KIF12: variants seen among roughly 807,000 people sequenced by gnomAD.
KIF12 encodes the protein kinesin family member 12, also known as kinesin-like protein KIF12.
Under a neutral mutation model 87.9 loss-of-function variants are expected in KIF12, and 80 were observed. The observed-to-expected ratio is 0.91, with a 90% confidence interval of 0.76 to 1.10. KIF12 has a LOEUF of 1.10. KIF12 is among the 50% of genes least tolerant of loss of function. The probability of loss-of-function intolerance (pLI) is 0.00; values close to 1 mark genes in which losing one functional copy is unlikely to be tolerated. For missense variants in KIF12, 819 were observed against 865.3 expected, an observed-to-expected ratio of 0.95 and a Z score of 0.67; for synonymous variants, 353 against 348.5, an observed-to-expected ratio of 1.01 and a Z score of -0.14.
rs776742820 is a variant in KIF12 at position 114,094,221 on chromosome 9, C to T, written c.1273G>A (p.Gly425Arg). Reference sequence around the variant, plus strand: ...TCTAGCATGAACTCCTGTAGCATCCCGTACAGGTTCCGCTGGGCCCAGGCC... The same window carrying T: ...TCTAGCATGAACTCCTGTAGCATCCTGTACAGGTTCCGCTGGGCCCAGGCC... ...RVAWAQRNLY[G>R]MLQEFMLENE... The change falls in exon 13 of 19, where the codon GGG (glycine) becomes AGG (arginine). Residue 425 changes from glycine (G) to arginine (R), a missense_variant. Physicochemically the swap from Gly to Arg is moderately radical, Grantham distance 125. Coordinates refer to ENST00000640217, the MANE Select transcript of KIF12 (RefSeq NM_001388308.1). The T allele has an allele frequency of 2.9e-5, 47 of 1,613,860 alleles. No individual in the cohort carries two copies. The highest frequency in any genetic ancestry group is 2.4e-4 in the South Asian group (22 of 91,072).
intron 5 of KIF12, 60 bp downstream of exon 5, chr9:114,098,055 C>A: frequency 6.8e-7 from 1 of 1,479,396 alleles, no homozygotes; most frequent in Non-Finnish European, 9.1e-7. Flanking sequence ...GCCTGCGGCT[C>A]CCCAGGGCTT....
chr9:114,098,812 G>A (rs1847359623), intron 3 of KIF12, 123 bp downstream of exon 3: 2 of 1,115,484 alleles, frequency 1.8e-6, no homozygotes, highest in Admixed American at 2.3e-5. Context: ...CTCTGGGGAG[G>A]GCGGGGCACC....
At position 114,095,135 on chromosome 9, in the gene KIF12, G is replaced by A. The variant is rs1185437187; in HGVS notation, c.1015-8C>T. On this transcript the variant is annotated splice_region_variant and splice_polypyrimidine_tract_variant and intron_variant, in intron 10 of 18. Coordinates refer to ENST00000640217, the MANE Select transcript of KIF12 (RefSeq NM_001388308.1). ...GGGGGACACGCAGGCCACCTGGGGA[G>A]TGCACTCCCCCTGAGCGCTCCTCTC... The A allele has an allele frequency of 2.5e-6, 4 of 1,606,368 alleles. No homozygotes were observed. The South Asian group carries it at 3.3e-5, about 13-fold the overall frequency.
intron 9 of KIF12, 137 bp downstream of exon 9, chr9:114,095,914 G>C: frequency 1.1e-6 from 1 of 925,276 alleles, no homozygotes; most frequent in Non-Finnish European, 1.6e-6. Flanking sequence ...GCCAGAATGG[G>C]GCCTTTGGTT....
At position 114,098,287 on chromosome 9, in the gene KIF12, C is replaced by A. The variant is rs1236707128; in HGVS notation, c.299+15G>T. On this transcript the variant is annotated intron_variant, in intron 4 of 18. Transcript: ENST00000640217. ...CGCCAGGCCCGGCGCGGAGCGGAGG[C>A]GAAGCTTCACTCACCCGCGCAGCGC... is the stretch of plus-strand genomic sequence containing the variant. The A allele has an allele frequency of 2.7e-6, 4 of 1,484,668 alleles. No individual in the cohort carries two copies. Among genetic ancestry groups the A allele is most frequent in the African/African-American group, 1.5e-5 (1 of 67,616 alleles). The allele number at this position is 1,484,668 out of a possible 1,614,324, so 92.0% of individuals were successfully genotyped here. A position where few individuals can be genotyped will look rare whatever the true frequency, so the allele number is the denominator to read the frequency against.
At position 114,095,012 on chromosome 9, in the gene KIF12, C is replaced by T. The variant is rs372115025; in HGVS notation, c.1119+11G>A. 2.3e-4 allele frequency: 365 copies of T among 1,570,544 alleles called. No homozygotes were observed. The highest frequency in any genetic ancestry group is 3.2e-4 in the Admixed American group (18 of 56,002). On this transcript the variant is annotated intron_variant, in intron 11 of 18. Transcript: ENST00000640217. ...ACGCCTGTCCCTCAGCTTGTGCCTG[C>T]CTATACTCACCTTGGGGGCCTGTGG...
Position 114,095,136 on chromosome 9 carries a change from T to C in KIF12, c.1015-9A>G, listed in dbSNP as rs765406387. The stretch of plus-strand genomic sequence containing the variant: ...GGGGACACGCAGGCCACCTGGGGAG[T>C]GCACTCCCCCTGAGCGCTCCTCTCT... On this transcript the variant is annotated splice_polypyrimidine_tract_variant and intron_variant, in intron 10 of 18. Transcript: ENST00000640217. The C allele has an allele frequency of 1.2e-6, 2 of 1,604,666 alleles. No individual in the cohort carries two copies. The highest frequency in any genetic ancestry group is 1.1e-5 in the South Asian group (1 of 89,640).
At chr9:114,097,951 G>T in intron 5 of KIF12, 164 bp downstream of exon 5, 1 of 938,080 alleles carries the variant, frequency 1.1e-6, no homozygotes, top group Non-Finnish European at 1.6e-6. Flanking sequence ...TCCAAATTGG[G>T]CAAGTCCCTT....
rs1847301306 is a variant in KIF12, at chr9:114,097,817, GCGC to G, written c.376-79_376-77del. The G allele has an allele frequency of 1.0e-5, 15 of 1,490,626 alleles. No individual in the cohort carries two copies. The Admixed American group carries it at 1.3e-4, about 13-fold the overall frequency. 92.3% of individuals were successfully genotyped at this position (1,490,626 alleles called of 1,614,324 possible). On this transcript the variant is annotated intron_variant, in intron 5 of 18. Transcript: ENST00000640217. ...CTCTGTAGCGCATGTATGATACCGT[GCGC>G]CGGGAAACGTGCCAAGTTCCCAAAC...
At chr9:114,092,287 A>G (rs1847027539) in intron 18 of KIF12, 46 bp downstream of exon 18, 2 of 1,506,806 alleles carry the variant, frequency 1.3e-6, no homozygotes, top group African/African-American at 2.8e-5. Context: ...TTCTACCCCA[A>G]GATCACAGAG....
chr9:114,095,015 A>G lies in KIF12; in HGVS notation c.1119+8T>C, dbSNP rs747000642. 3 of 1,574,742 alleles carry G rather than the reference A, an allele frequency of 1.9e-6. No homozygotes were observed. The highest frequency in any genetic ancestry group is 2.2e-5 in the East Asian group (1 of 44,506). On this transcript the variant is annotated splice_region_variant and intron_variant, in intron 11 of 18. Transcript: ENST00000640217. ...CCTGTCCCTCAGCTTGTGCCTGCCT[A>G]TACTCACCTTGGGGGCCTGTGGTCG...
Position 114,095,189 on chromosome 9 carries a change from TCCCTG to T in KIF12, c.1014+20_1014+24del. On this transcript the variant is annotated intron_variant, in intron 10 of 18. Coordinates refer to ENST00000640217, the MANE Select transcript of KIF12 (RefSeq NM_001388308.1). ...GGGCCCCTTCCTCAAGACCCAACCT[TCCCTG>T]CCAGGCCCCGCTTAAGTACCATGAG... is the stretch of plus-strand genomic sequence containing the variant. 1 of 1,612,340 alleles carries T rather than the reference TCCCTG, an allele frequency of 6.2e-7. No individual in the cohort carries two copies. The highest frequency in any genetic ancestry group is 8.5e-7 in the Non-Finnish European group (1 of 1,179,540).
chr9:114,092,231 C>T (rs1214356824), intron 18 of KIF12, 102 bp downstream of exon 18: 1 of 1,482,780 alleles, frequency 6.7e-7, no homozygotes, highest in Non-Finnish European at 9.0e-7. Flanking sequence ...CACCTCTCAA[C>T]ACCCACCCCA....
At position 114,092,397 on chromosome 9, in the gene KIF12, C is replaced by G; in HGVS notation, c.1752G>C (p.Glu584Asp). The G allele has an allele frequency of 6.2e-7, 1 of 1,613,012 alleles. No homozygotes were observed. The highest frequency in any genetic ancestry group is 8.5e-7 in the Non-Finnish European group (1 of 1,179,614). ...TRVLAEMLTE[E>D]EVVPSAPPLP... Reference sequence around the variant, plus strand: ...GGGGAGGTGCAGAAGGTACCACCTCCTCCTCCGTCAACATCTCTGCCAGGA... The same window carrying G: ...GGGGAGGTGCAGAAGGTACCACCTCGTCCTCCGTCAACATCTCTGCCAGGA... The change falls in exon 18 of 19, where the codon GAG becomes GAC. Residue 584 changes from glutamate to aspartate, a missense_variant. Physicochemically the swap from Glu to Asp is conservative, Grantham distance 45 (BLOSUM62 2). Transcript: ENST00000640217.
Position 114,098,152 on chromosome 9 carries a change from G to A in KIF12, c.338C>T (p.Ser113Phe). ...CTVFTFGQTG[S>F]GKTYTLTGPP... ...TCCAGTCAGGGTGTAGGTCTTCCCA[G>A]AGCCCGTCTGGCCAAAGGTGAAAAC... The change falls in exon 5 of 19, where the codon TCT becomes TTT. Residue 113 changes from serine (S) to phenylalanine (F), a missense_variant. Ser to Phe is a radical substitution (Grantham distance 155). Transcript: ENST00000640217. 2 of 1,548,550 alleles carry A rather than the reference G, an allele frequency of 1.3e-6. No individual in the cohort carries two copies. The highest frequency in any genetic ancestry group is 1.7e-6 in the Non-Finnish European group (2 of 1,146,430).
At position 114,091,828 on chromosome 9, in the gene KIF12, C is replaced by A. The variant is rs774676971; in HGVS notation, c.*33G>T. On this transcript the variant is annotated 3_prime_UTR_variant, in exon 19 of 19. Coordinates refer to ENST00000640217, the MANE Select transcript of KIF12 (RefSeq NM_001388308.1). The stretch of plus-strand genomic sequence containing the variant: ...AAGAGTGTGGAGCCCAGTCTGAGGT[C>A]ACACAGCAGTCTCCTGGGTTCCCAC... 1.3e-6 allele frequency: 2 copies of A among 1,561,680 alleles called. No homozygotes were observed. The highest frequency in any genetic ancestry group is 1.7e-6 in the Non-Finnish European group (2 of 1,148,128).
At chr9:114,096,531 T>A (rs1847238819) in intron 7 of KIF12, 53 bp from the exon 8 acceptor site, 2 of 1,438,322 alleles carry the variant, frequency 1.4e-6, no homozygotes, top group East Asian at 2.4e-5. Flanking sequence ...CAGGTCATCA[T>A]CAATGAAGAA....
At chr9:114,097,936 A>G in intron 5 of KIF12, 179 bp downstream of exon 5, 1 of 930,078 alleles carries the variant, frequency 1.1e-6, no homozygotes, top group Non-Finnish European at 1.6e-6. Flanking sequence ...TTGAAGCCCA[A>G]ATGCTCCAAA....
chr9:114,098,938 C>T lies in KIF12; in HGVS notation c.168G>A (p.Leu56=). 1 of 1,548,312 alleles carries T rather than the reference C, an allele frequency of 6.5e-7. No individual in the cohort carries two copies. Among genetic ancestry groups the T allele is most frequent in the Non-Finnish European group, 8.7e-7 (1 of 1,145,678 alleles). The change falls in exon 3 of 19, where the codon CTG becomes CTA. Residue 56 remains leucine, a synonymous_variant. Coordinates refer to ENST00000640217, the MANE Select transcript of KIF12 (RefSeq NM_001388308.1). The part of the protein sequence containing the change: ...SVLHCSGTRT[L]QVSPPGGGPE... ...GATAGAGAGAGGGGTTCCTCACCTGCAGAGTCCGGGTCCCTGAGCAGTGCA... is the reference window on the plus strand; with the variant it reads ...GATAGAGAGAGGGGTTCCTCACCTGTAGAGTCCGGGTCCCTGAGCAGTGCA...
Sources: allele counts gnomAD v4.1 joint callset, GRCh38; gene constraint gnomAD v4.1.1; transcripts MANE v1.5; gene names NCBI Gene and HGNC (gene_info 2026-07-23, HGNC 2026-07-21).